The following NF1 variants were observed in gnomAD, a reference collection of about 807,000 sequenced individuals.
NF1 encodes neurofibromin.
In NF1, 122 loss-of-function variants were observed where a neutral mutation model predicts 325.7. The ratio of observed to expected loss-of-function variants is 0.37; its 90% confidence interval spans 0.32 to 0.44. The LOEUF is 0.44. NF1 is among the 20% of genes least tolerant of loss of function. The pLI is 1.00. For missense variants in NF1, 2,140 were observed against 3,415.4 expected, an observed-to-expected ratio of 0.63 and a Z score of 9.31; for synonymous variants, 1,091 against 1,186.0, an observed-to-expected ratio of 0.92 and a Z score of 1.65.
chr17:31,188,887 C>T (rs1450238119), intron 8 of NF1, among the ~76,000 whole-genome samples: 1 of 152,198 alleles, frequency 6.6e-6, no homozygotes, highest in African/African-American at 2.4e-5. Context: ...TGGACTGGCT[C>T]TCCTTGCTCC....
At chr17:31,337,969 T>A (rs746793497) in intron 44 of NF1, 56 bp from the exon 45 acceptor site, 2 of 1,538,770 alleles carry the variant, frequency 1.3e-6, no homozygotes, top group South Asian at 2.3e-5. Context: ...TAATTTATTA[T>A]TTAGTATATA....
Position 31,356,544 on chromosome 17 carries a change from C to T in NF1, c.7700C>T (p.Pro2567Leu), listed in dbSNP as rs754511534. ...ATGGAATCAGGGATCACAACACCCC[C>T]CAAAATGAGGAGAGTAGCAGAAACT... ...QEMESGITTPPKMRRVAETDY... is the reference protein window; with the variant it reads ...QEMESGITTPLKMRRVAETDY... The change falls in exon 52 of 58, where the codon CCC becomes CTC. Residue 2567 changes from proline to leucine, a missense_variant. Physicochemically the swap from Pro to Leu is moderately conservative, Grantham distance 98. Around this residue, in one of 10 missense-constraint regions of NF1, gnomAD observed 522 missense variants for 749.0 expected, o/e 0.70. Coordinates refer to ENST00000358273, the MANE Select transcript of NF1 (RefSeq NM_001042492.3). The T allele has an allele frequency of 1.2e-6, 2 of 1,613,588 alleles. No individual in the cohort carries two copies. The highest frequency in any genetic ancestry group is 2.7e-5 in the African/African-American group (2 of 74,850).
intron 3 of NF1, among the ~76,000 whole-genome samples, chr17:31,159,462 A>G (rs938717190): frequency 1.8e-4 from 27 of 152,206 alleles, no homozygotes; most frequent in African/African-American, 6.3e-4. Context: ...ATTTCCTCCT[A>G]TATGAATATG....
intron 8 of NF1, among the ~76,000 whole-genome samples, chr17:31,190,089 C>CAAAA (rs766783457): frequency 1.0e-4 from 10 of 98,186 alleles, no homozygotes; most frequent in African/African-American, 3.8e-4. Flanking sequence ...AAATGTATTA[C>CAAAA]AAAAAAAAAA....
chr17:31,196,242 AT>A (rs1431005569), intron 8 of NF1, among the ~76,000 whole-genome samples: 2 of 150,606 alleles, frequency 1.3e-5, no homozygotes, highest in African/African-American at 4.9e-5. Context: ...CTAGGCTTTG[AT>A]TTTGTTTCCT....
chr17:31,294,052 C>T (rs567373193), intron 36 of NF1, among the ~76,000 whole-genome samples: 59 of 152,240 alleles, frequency 3.9e-4, no homozygotes, highest in Middle Eastern at 3.4e-3. Context: ...TTCCCTCTCT[C>T]CTTCCTCACT....
In NF1 at chr17:31,280,132, G is replaced by A. The variant is rs368417526; in HGVS notation, c.4835+14793G>A. Among the ~76,000 whole-genome samples, 10 of 151,962 alleles carry A rather than the reference G, an allele frequency of 6.6e-5. No homozygotes were observed. In the East Asian group the frequency reaches 1.4e-3, roughly 21 times the overall value. ...GGTAGCTTCAGCAGTTGTCTAAGCT[G>A]GGGTTGGCAAATTTTTTCTGTAAAG... On this transcript the variant is annotated intron_variant, in intron 36 of 57. Transcript: ENST00000358273.
At chr17:31,112,997 T>C (rs1424396013) in intron 1 of NF1, among the ~76,000 whole-genome samples, 1 of 152,172 alleles carries the variant, frequency 6.6e-6, no homozygotes, top group East Asian at 1.9e-4. Flanking sequence ...TATAATAAAA[T>C]ATCAAGTCAG....
intron 7 of NF1, 101 bp from the exon 8 acceptor site, chr17:31,182,406 TA>T (rs869041117): frequency 9.0e-7 from 1 of 1,116,744 alleles, no homozygotes; most frequent in Non-Finnish European, 1.3e-6. Context: ...GTTTATCTTT[TA>T]AAAATGTTGC....
rs138273403 is a variant in NF1, at chr17:31,111,660, T to C, written c.60+16291T>C. 1.8e-3 allele frequency among the ~76,000 whole-genome samples: 281 copies of C among 152,280 alleles called. 1 individual carries two copies. Among genetic ancestry groups the C allele is most frequent in the African/African-American group, 6.6e-3 (276 of 41,574 alleles). Reference sequence around the variant, plus strand: ...TAGAATTCTACCTTCAGCAGAAATATCCTTCAGACAAGAAGGCGAAATAAA... The same window carrying C: ...TAGAATTCTACCTTCAGCAGAAATACCCTTCAGACAAGAAGGCGAAATAAA... On this transcript the variant is annotated intron_variant, in intron 1 of 57. Coordinates refer to ENST00000358273, the MANE Select transcript of NF1 (RefSeq NM_001042492.3).
intron 36 of NF1, among the ~76,000 whole-genome samples, chr17:31,306,857 C>G (rs980177816): frequency 2.0e-5 from 3 of 151,262 alleles, no homozygotes; most frequent in East Asian, 1.9e-4. Context: ...GTGATAGAAG[C>G]AAACAGTAAA....
At position 31,233,072 on chromosome 17, in the gene NF1, A is replaced by G. The variant is rs2067142551; in HGVS notation, c.3567A>G (p.Gln1189=). ...AAGTTCTGACAAAAATCCTTCAACAAGGCACAGAATTTGACACACTTGCAG... is the reference window on the plus strand; with the variant it reads ...AAGTTCTGACAAAAATCCTTCAACAGGGCACAGAATTTGACACACTTGCAG... ...FMEVLTKILQ[Q]GTEFDTLAET... Residue 1189 remains glutamine (Q), a synonymous_variant, in exon 27 of 58, where the codon CAA becomes CAG. Transcript: ENST00000358273. 4 of 1,614,210 alleles carry G rather than the reference A, an allele frequency of 2.5e-6. No individual in the cohort carries two copies. Among genetic ancestry groups the G allele is most frequent in the Non-Finnish European group, 3.4e-6 (4 of 1,180,030 alleles).
chr17:31,326,201 A>G lies in NF1; in HGVS notation c.5217A>G (p.Val1739=), dbSNP rs1228790204. The G allele has an allele frequency of 1.9e-6, 3 of 1,613,150 alleles. No individual in the cohort carries two copies. Among genetic ancestry groups the G allele is most frequent in the Non-Finnish European group, 2.5e-6 (3 of 1,179,920 alleles). Residue 1739 remains valine (V), a synonymous_variant, in exon 37 of 58, where the codon GTA becomes GTG. Transcript: ENST00000358273. ...TGGCTTTAGAAGAGGACCTGAAGGT[A>G]TTCCACAATGCTCTCAAGCTAGCTC... ...ATLALEEDLK[V]FHNALKLAHK... is the part of the protein sequence containing the mutation.
intron 36 of NF1, among the ~76,000 whole-genome samples, chr17:31,291,625 A>G (rs1314912453): frequency 1.3e-5 from 2 of 152,210 alleles, no homozygotes; most frequent in Non-Finnish European, 2.9e-5. Context: ...GAAAAATTTT[A>G]TGAAAGATTT....
chr17:31,314,925 G>A (rs990861214), intron 36 of NF1, among the ~76,000 whole-genome samples: 4 of 152,094 alleles, frequency 2.6e-5, no homozygotes, highest in African/African-American at 4.8e-5. Flanking sequence ...CACTAACAGC[G>A]TACGAGAGTT....
chr17:31,111,447 C>T (rs1481441288), intron 1 of NF1, among the ~76,000 whole-genome samples: 1 of 152,044 alleles, frequency 6.6e-6, no homozygotes, highest in East Asian at 1.9e-4. Flanking sequence ...CTACACTTAG[C>T]ATATCTTAAT....
intron 36 of NF1, among the ~76,000 whole-genome samples, chr17:31,280,879 A>G (rs2151485164): frequency 7.0e-6 from 1 of 141,988 alleles, no homozygotes; most frequent in African/African-American, 2.6e-5. Flanking sequence ...TATATTATTT[A>G]TTCAGTATTT....
At chr17:31,337,784 T>C in intron 43 of NF1, 35 bp from the exon 44 acceptor site, 3 of 1,597,730 alleles carry the variant, frequency 1.9e-6, no homozygotes, top group South Asian at 1.1e-5. Context: ...AAAACATTTA[T>C]GTACAATATG....
At chr17:31,228,733 G>A (rs780824000) in intron 20 of NF1, among the ~76,000 whole-genome samples, 8 of 151,982 alleles carry the variant, frequency 5.3e-5, no homozygotes, top group Non-Finnish European at 1.0e-4. Flanking sequence ...TATAGAATAT[G>A]TGGGCTTTTG....
Sources: allele counts gnomAD v4.1 joint callset (sites outside exome capture counted in the v4.1 genomes callset), GRCh38; gene constraint gnomAD v4.1.1; regional missense constraint gnomAD v4.1.1; transcripts MANE v1.5; gene names NCBI Gene and HGNC (gene_info 2026-07-23, HGNC 2026-07-21).